The following SNX25 variants were observed in gnomAD, a reference collection of about 807,000 sequenced individuals.
SNX25 encodes the protein sorting nexin 25.
A neutral mutation model predicts 113.7 loss-of-function variants in SNX25; 62 were observed. The observed-to-expected ratio is 0.55, with a 90% CI of 0.44 to 0.67. The LOEUF is 0.67. Among genes scored for constraint, SNX25 ranks in the 30% least tolerant of loss-of-function variants. The probability of loss-of-function intolerance (pLI) is 0.00; values close to 1 mark genes in which losing one functional copy is unlikely to be tolerated. For synonymous variants in SNX25, 421 were observed against 436.2 expected, an observed-to-expected ratio of 0.97 and a Z score of 0.43; for missense variants, 1,014 against 1,161.0, an observed-to-expected ratio of 0.87 and a Z score of 1.84.
chr4:185,338,584 G>A (rs552688845), intron 10 of SNX25, among the ~76,000 whole-genome samples: 52 of 152,196 alleles, frequency 3.4e-4, no homozygotes, highest in African/African-American at 1.0e-3. Context: ...CACCATGCAC[G>A]GCACCCTATA....
chr4:185,315,728 GA>G lies in SNX25; in HGVS notation c.1344+4921del, dbSNP rs141516004. On this transcript the variant is annotated intron_variant, in intron 7 of 18. Coordinates refer to ENST00000652585, the MANE Select transcript of SNX25 (RefSeq NM_001378034.2). ...GCACAATTCTAATACCAAACCAGAG[GA>G]AAAAAAAACTTCAAAATGGTGTCTC... Among the ~76,000 whole-genome samples, 24 of 150,668 alleles carry G rather than the reference GA, an allele frequency of 1.6e-4. No individual in the cohort carries two copies. In the South Asian group the frequency reaches 3.8e-3, roughly 24 times the overall value.
At chr4:185,268,640 C>T (rs766451002) in intron 5 of SNX25, among the ~76,000 whole-genome samples, 7 of 152,070 alleles carry the variant, frequency 4.6e-5, no homozygotes, top group South Asian at 2.1e-4. Context: ...TTGAATTAGT[C>T]GAGGTTTTTA....
Position 185,310,817 on chromosome 4 carries a change from G to A in SNX25, c.1344+1G>A, listed in dbSNP as rs1310979937. 4 of 1,603,122 alleles carry A rather than the reference G, an allele frequency of 2.5e-6. No individual in the cohort carries two copies. The highest frequency in any genetic ancestry group is 3.5e-5 in the Admixed American group (2 of 57,532). On this transcript the variant is annotated splice_donor_variant, in intron 7 of 18. Coordinates refer to ENST00000652585, the MANE Select transcript of SNX25 (RefSeq NM_001378034.2). LOFTEE classifies it high-confidence loss of function. ...GGGGGAAGGGCCTCAAAGCCAGAAGGTAGAACTTTATAGTTTCTTGTTTTG... is the reference window on the plus strand; with the variant it reads ...GGGGGAAGGGCCTCAAAGCCAGAAGATAGAACTTTATAGTTTCTTGTTTTG...
chr4:185,215,846 G>A (rs1369489949), intron 1 of SNX25, among the ~76,000 whole-genome samples: 10 of 151,312 alleles, frequency 6.6e-5, no homozygotes. Flanking sequence ...TTGGAGGGCA[G>A]TGGTGCCATC....
intron 1 of SNX25, among the ~76,000 whole-genome samples, chr4:185,244,306 A>G (rs1744525250): frequency 6.6e-6 from 1 of 152,224 alleles, no homozygotes; most frequent in South Asian, 2.1e-4. Context: ...AACTTCTTCA[A>G]TAAGTTTTTT....
At chr4:185,338,807 G>T (rs895152290) in intron 10 of SNX25, among the ~76,000 whole-genome samples, 1 of 152,036 alleles carries the variant, frequency 6.6e-6, no homozygotes, top group African/African-American at 2.4e-5. Context: ...TTATTTCTGG[G>T]CTATATTCCC....
At chr4:185,245,863 C>T (rs970666663) in intron 1 of SNX25, among the ~76,000 whole-genome samples, 2 of 152,122 alleles carry the variant, frequency 1.3e-5, no homozygotes, top group East Asian at 1.9e-4. Context: ...TGACTATTGA[C>T]GTATATATAA....
chr4:185,290,510 C>T (rs1460169038), intron 6 of SNX25, among the ~76,000 whole-genome samples: 1 of 152,186 alleles, frequency 6.6e-6, no homozygotes, highest in Non-Finnish European at 1.5e-5. Flanking sequence ...TCACCTCCAG[C>T]CTCTATGTCT....
chr4:185,223,204 TGC>T (rs1740275018), intron 1 of SNX25, among the ~76,000 whole-genome samples: 5 of 152,208 alleles, frequency 3.3e-5, no homozygotes, highest in Admixed American at 6.5e-5. Context: ...ATCACTTCCT[TGC>T]ATGTCATTAT....
Position 185,320,773 on chromosome 4 carries a change from G to A in SNX25, c.1385G>A (p.Arg462Gln), listed in dbSNP as rs773544391. 5.0e-6 allele frequency: 8 copies of A among 1,599,934 alleles called. No individual in the cohort carries two copies. The highest frequency in any genetic ancestry group is 2.3e-5 in the East Asian group (1 of 44,352). ...GATATCTTGGCCAATACGTTCTACC[G>A]AGAGCACTTTGGAATGTACATGGAA... The part of the protein sequence containing the change: ...FEDILANTFY[R>Q]EHFGMYMERM... The change falls in exon 8 of 19, where the codon CGA becomes CAA. Residue 462 changes from arginine to glutamine, a missense_variant. By Grantham distance (43) the Arg-to-Gln change is conservative. Coordinates refer to ENST00000652585, the MANE Select transcript of SNX25 (RefSeq NM_001378034.2).
intron 5 of SNX25, among the ~76,000 whole-genome samples, chr4:185,271,300 G>A (rs950369198): frequency 2.0e-5 from 3 of 152,152 alleles, no homozygotes; most frequent in South Asian, 2.1e-4. Flanking sequence ...AGGCAAAAGG[G>A]ATACATTCTC....
chr4:185,263,176 G>A (rs569849080), intron 3 of SNX25, among the ~76,000 whole-genome samples: 2 of 152,262 alleles, frequency 1.3e-5, no homozygotes, highest in Admixed American at 1.3e-4. Context: ...AGAAGGGACT[G>A]TGTACCGTTT....
At chr4:185,302,218 A>G (rs528748753) in intron 6 of SNX25, among the ~76,000 whole-genome samples, 2 of 151,818 alleles carry the variant, frequency 1.3e-5, no homozygotes, top group African/African-American at 4.8e-5. Flanking sequence ...TTACATCATC[A>G]GACTTTTTAT....
chr4:185,220,723 G>T (rs1407985655), intron 1 of SNX25, among the ~76,000 whole-genome samples: 1 of 151,868 alleles, frequency 6.6e-6, no homozygotes, highest in Non-Finnish European at 1.5e-5. Context: ...CTTGTGATCC[G>T]CCCACCTCGG....
rs867821161 is a variant in SNX25 at position 185,233,290 on chromosome 4, A to G, written c.430-14004A>G. On this transcript the variant is annotated intron_variant, in intron 1 of 18. Transcript: ENST00000652585. Reference sequence around the variant, plus strand: ...ACAGAGTGAGACTTAGTCTAAAAAAAAAAAAAGAATAAATGAAGCCCTGTG... The same window carrying G: ...ACAGAGTGAGACTTAGTCTAAAAAAGAAAAAAGAATAAATGAAGCCCTGTG... Among the ~76,000 whole-genome samples, 769 of 152,242 alleles carry G rather than the reference A, an allele frequency of 5.1e-3. 4 individuals are homozygous for G. The highest frequency in any genetic ancestry group is 0.017 in the African/African-American group (707 of 41,544).
intron 11 of SNX25, among the ~76,000 whole-genome samples, chr4:185,341,360 AGAGTTTCT>A (rs1262450397): frequency 6.6e-6 from 1 of 152,186 alleles, no homozygotes; most frequent in Non-Finnish European, 1.5e-5. Flanking sequence ...CTTCTCTGAG[AGAGTTTCT>A]GATGTATTTG....
downstream of SNX25, among the ~76,000 whole-genome samples, chr4:185,371,695 C>T (rs1473562646): frequency 3.3e-5 from 5 of 152,056 alleles, no homozygotes; most frequent in African/African-American, 9.7e-5. Context: ...GGGAAAGCGC[C>T]GAAGATTTTA....
rs558397539 is a variant in SNX25, at chr4:185,250,199, G to A, written c.514+2821G>A. Among the ~76,000 whole-genome samples, 14 of 152,336 alleles carry A rather than the reference G, an allele frequency of 9.2e-5. No homozygotes were observed. In the East Asian group the frequency reaches 2.7e-3, roughly 29 times the overall value. On this transcript the variant is annotated intron_variant, in intron 2 of 18. Transcript: ENST00000652585. The stretch of plus-strand genomic sequence containing the variant: ...TTCTTCACCTAAAGTGAGTCCCTCA[G>A]TCCGAGGACATAGACTTAACTCCTC...
the SNX25 span, chr4:185,376,837 A>G: frequency 9.8e-7 from 1 of 1,023,356 alleles, no homozygotes; most frequent in African/African-American, 1.6e-5. Flanking sequence ...AAGAAACTCT[A>G]CATGAAATTT....
Sources: allele counts gnomAD v4.1 joint callset (sites outside exome capture counted in the v4.1 genomes callset), GRCh38; gene constraint gnomAD v4.1.1; transcripts MANE v1.5; gene names NCBI Gene and HGNC (gene_info 2026-07-23, HGNC 2026-07-21).